AFF4: variants seen among roughly 807,000 people sequenced by gnomAD.
The protein encoded by AFF4 is ALF transcription elongation factor 4.
In AFF4, 13 loss-of-function variants were observed where a neutral mutation model predicts 124.8. That is an observed-to-expected ratio of 0.10 (90% CI 0.07 to 0.17). AFF4 has a LOEUF of 0.17. AFF4 is among the 10% of genes least tolerant of loss of function. The pLI is 1.00. For synonymous variants in AFF4, 477 were observed against 496.1 expected (o/e 0.96, Z 0.51); for missense variants, 1,092 against 1,403.8 (o/e 0.78, Z 3.55).
chr5:132,910,947 T>C (rs1454096022), intron 5 of AFF4, among the ~76,000 whole-genome samples: 1 of 152,166 alleles, frequency 6.6e-6, no homozygotes, highest in African/African-American at 2.4e-5. Flanking sequence ...CTCCAAACTA[T>C]CACTGGAAAA....
Position 132,888,035 on chromosome 5 carries a change from A to G in AFF4, c.2797-53T>C. 4 of 1,607,870 alleles carry G rather than the reference A, an allele frequency of 2.5e-6. No homozygotes were observed. In the South Asian group the frequency reaches 4.4e-5, roughly 18 times the overall value. ...GTAATGATCTACTATGGCTACAAAC[A>G]TCAGAAGATTACTTAAGTTAATTTG... On this transcript the variant is annotated intron_variant, in intron 15 of 20. Transcript: ENST00000265343.
chr5:132,904,135 C>T (rs2150077779), intron 6 of AFF4: 3 of 410,458 alleles, frequency 7.3e-6, no homozygotes, highest in Non-Finnish European at 1.3e-5. Flanking sequence ...CATGTGCCCA[C>T]AGTCCCAGCT....
intron 20 of AFF4, among the ~76,000 whole-genome samples, chr5:132,881,931 G>A (rs1759992432): frequency 6.6e-6 from 1 of 151,214 alleles, no homozygotes; most frequent in Admixed American, 6.6e-5. Context: ...TTCCCGAAGT[G>A]CTGAGATTAC....
In AFF4 at chr5:132,963,607, G is replaced by T. The variant is rs989440065; in HGVS notation, c.-353C>A. The T allele has an allele frequency of 2.0e-5, 8 of 397,404 alleles. No individual in the cohort carries two copies. The highest frequency in any genetic ancestry group is 3.5e-5 in the Non-Finnish European group (8 of 225,404). The allele number at this position is 397,404 out of a possible 1,614,324, so 24.6% of individuals were successfully genotyped here. A position where few individuals can be genotyped will look rare whatever the true frequency, so the allele number is the denominator to read the frequency against. The stretch of plus-strand genomic sequence containing the variant: ...CCGCTGGCGGCGGCGACGGCAGCTG[G>T]ACTCCTGCAGCCAGGGCTGTGACTG... On this transcript the variant is annotated 5_prime_UTR_variant, in exon 1 of 21. Transcript: ENST00000265343.
rs1430138071 is a variant in AFF4, at chr5:132,934,559, T to C, written c.506A>G (p.His169Arg). The C allele has an allele frequency of 1.2e-6, 2 of 1,614,028 alleles. No individual in the cohort carries two copies. The highest frequency in any genetic ancestry group is 1.3e-5 in the African/African-American group (1 of 74,900). The change falls in exon 3 of 21, where the codon CAT (histidine) becomes CGT (arginine). Residue 169 changes from histidine to arginine, a missense_variant. By Grantham distance (29) the His-to-Arg change is conservative (BLOSUM62 0). Coordinates refer to ENST00000265343, the MANE Select transcript of AFF4 (RefSeq NM_014423.4). ...ACGTGATTTGGAGTGTTCTGATCCA[T>C]GCTGGCCTTTTTTCCGGCTACTGCT... ...SGSSSRKKGQ[H>R]GSEHSKSRSS...
At chr5:132,933,455 C>A (rs1761347768) in intron 3 of AFF4, among the ~76,000 whole-genome samples, 1 of 151,520 alleles carries the variant, frequency 6.6e-6, no homozygotes, top group Admixed American at 6.6e-5. Context: ...ATGTCTGTAA[C>A]CTTAGCACTT....
intron 9 of AFF4, 51 bp downstream of exon 9, chr5:132,899,053 T>C: frequency 1.3e-6 from 2 of 1,533,824 alleles, no homozygotes; most frequent in East Asian, 2.3e-5. Context: ...TGCAATGTTA[T>C]CAGGCTGACC....
chr5:132,955,914 A>G (rs1348843670), intron 1 of AFF4, among the ~76,000 whole-genome samples: 2 of 147,146 alleles, frequency 1.4e-5, no homozygotes, highest in Non-Finnish European at 3.0e-5. Context: ...TATAATATAT[A>G]CTATACTTAC....
In AFF4 at chr5:132,881,106, G is replaced by A; in HGVS notation, c.3445C>T (p.Arg1149Trp). Residue 1149 changes from arginine (R) to tryptophan (W), a missense_variant, in exon 21 of 21, where the codon CGG becomes TGG. By Grantham distance (101) the Arg-to-Trp change is moderately radical (BLOSUM62 -3). Coordinates refer to ENST00000265343, the MANE Select transcript of AFF4 (RefSeq NM_014423.4). ...TGGCGAAGCCAGTGCAGTCCCTGCCGGGTATAACGAACTAGATCTGTCATG... is the reference window on the plus strand; with the variant it reads ...TGGCGAAGCCAGTGCAGTCCCTGCCAGGTATAACGAACTAGATCTGTCATG... The part of the protein sequence containing the change: ...SIMTDLVRYT[R>W]QGLHWLRQDA... 2 of 1,614,144 alleles carry A rather than the reference G, an allele frequency of 1.2e-6. No homozygotes were observed. Among genetic ancestry groups the A allele is most frequent in the Non-Finnish European group, 1.7e-6 (2 of 1,180,008 alleles).
At chr5:132,956,383 C>A (rs1166677009) in intron 1 of AFF4, among the ~76,000 whole-genome samples, 1 of 152,090 alleles carries the variant, frequency 6.6e-6, no homozygotes, top group African/African-American at 2.4e-5. Context: ...GTAATCCCAG[C>A]ACCTTGGAAG....
Position 132,934,882 on chromosome 5 carries a change from T to C in AFF4, c.183A>G (p.Glu61=). 6.2e-7 allele frequency: 1 copy of C among 1,613,890 alleles called. No individual in the cohort carries two copies. The highest frequency in any genetic ancestry group is 8.5e-7 in the Non-Finnish European group (1 of 1,179,928). Residue 61 remains glutamate (E), a synonymous_variant, in exon 3 of 21, where the codon GAA becomes GAG. Coordinates refer to ENST00000265343, the MANE Select transcript of AFF4 (RefSeq NM_014423.4). ...RIQSMLGNYD[E]MKDFIGDRSI... Reference sequence around the variant, plus strand: ...ATCTGTCTCCTATGAAATCCTTCATTTCATCGTAGTTTCCAAGCATACTCT... The same window carrying C: ...ATCTGTCTCCTATGAAATCCTTCATCTCATCGTAGTTTCCAAGCATACTCT...
rs1204231856 is a variant in AFF4, at chr5:132,954,546, C to CTTTTTT, written c.-5+8707_-5+8712dup. ...GAGGGTGTGTGTTACAAACAATGCTCTTTTTTTTTTTTTTTTTTTGAGACG... is the reference window on the plus strand; with the variant it reads ...GAGGGTGTGTGTTACAAACAATGCTCTTTTTTTTTTTTTTTTTTTTTTTTTGAGACG... On this transcript the variant is annotated intron_variant, in intron 1 of 20. Coordinates refer to ENST00000265343, the MANE Select transcript of AFF4 (RefSeq NM_014423.4). Among the ~76,000 whole-genome samples the CTTTTTT allele has an allele frequency of 8.5e-4, 104 of 122,132 alleles. 2 individuals carry two copies. Among genetic ancestry groups the CTTTTTT allele is most frequent in the Middle Eastern group, 4.9e-3 (1 of 206 alleles). 80.1% of individuals were successfully genotyped at this position (122,132 alleles called of 152,430 possible).
chr5:132,892,333 T>C lies in AFF4; in HGVS notation c.2468A>G (p.Asp823Gly). Residue 823 changes from aspartate (D) to glycine (G), a missense_variant, in exon 13 of 21, where the codon GAT becomes GGT. This residue lies in a region of AFF4 where 293 missense variants were observed against 280.2 expected (regional missense o/e 1.05). Transcript: ENST00000265343. ...CCGAGAGCCATGCTCTGTTTTTGGA[T>C]CTTTTGAAGGAACAGGCCCAGCGGG... ...PSPAGPVPSK[D>G]PKTEHGSRKR... The C allele has an allele frequency of 6.2e-7, 1 of 1,614,128 alleles. No individual in the cohort carries two copies. The highest frequency in any genetic ancestry group is 8.5e-7 in the Non-Finnish European group (1 of 1,180,006).
At chr5:132,911,792 C>T (rs569855069) in intron 5 of AFF4, among the ~76,000 whole-genome samples, 12 of 148,640 alleles carry the variant, frequency 8.1e-5, no homozygotes, top group South Asian at 4.2e-4. Context: ...TACAGGAGAA[C>T]GTATCATAAC....
intron 1 of AFF4, among the ~76,000 whole-genome samples, chr5:132,960,668 TTTACA>T (rs1762061564): frequency 1.3e-5 from 2 of 152,374 alleles, no homozygotes; most frequent in South Asian, 4.1e-4. Context: ...TACAGCTTTC[TTTACA>T]TTACCTTTTT....
intron 1 of AFF4, among the ~76,000 whole-genome samples, chr5:132,960,956 C>CTCA (rs1169073156): frequency 2.0e-5 from 3 of 152,146 alleles, no homozygotes; most frequent in Non-Finnish European, 1.5e-5. Flanking sequence ...GGGCGCAGTG[C>CTCA]TCATGCCTGT....
chr5:132,902,674 A>G lies in AFF4; in HGVS notation c.1088-187T>C, dbSNP rs1017855332. 2.6e-5 allele frequency among the ~76,000 whole-genome samples: 4 copies of G among 152,242 alleles called. No individual in the cohort carries two copies. The East Asian group carries it at 7.7e-4, about 29-fold the overall frequency. On this transcript the variant is annotated intron_variant, in intron 6 of 20. Transcript: ENST00000265343. ...GACTACAGGGGAAATAAGCATGTGC[A>G]TATGTTGCTGGTAGGACTATAAACT...
intron 5 of AFF4, among the ~76,000 whole-genome samples, chr5:132,905,459 C>T (rs934873301): frequency 2.0e-5 from 3 of 152,076 alleles, no homozygotes; most frequent in African/African-American, 4.8e-5. Context: ...AAGAACAATC[C>T]AAATAGTTAG....
At chr5:132,922,622 A>G (rs2150089976) in intron 5 of AFF4, among the ~76,000 whole-genome samples, 1 of 151,094 alleles carries the variant, frequency 6.6e-6, no homozygotes, top group African/African-American at 2.4e-5. Flanking sequence ...TCTACTAAAA[A>G]TACAAAAATT....
Sources: gnomAD v4.1 joint callset for allele counts (sites outside exome capture counted in the v4.1 genomes callset) on GRCh38, gnomAD v4.1.1 for gene constraint, gnomAD v4.1.1 regional missense constraint, MANE v1.5 for transcripts, NCBI Gene and HGNC (gene_info 2026-07-23, HGNC 2026-07-21) for gene names.